PDE8A: variants seen among roughly 807,000 people sequenced by gnomAD.
PDE8A encodes phosphodiesterase 8A.
PDE8A carries 59 observed loss-of-function variants against 105.0 expected under a neutral mutation model. The ratio of observed to expected loss-of-function variants is 0.56; its 90% confidence interval spans 0.46 to 0.70. The LOEUF (loss-of-function observed/expected upper bound fraction) is 0.70, where lower values mean the gene tolerates loss of function less well. PDE8A is among the 30% of genes least tolerant of loss of function. The pLI, the probability that PDE8A is intolerant of heterozygous loss-of-function variation, is 0.00. For synonymous variants in PDE8A, 355 were observed against 371.9 expected, an observed-to-expected ratio of 0.95 and a Z score of 0.52; for missense variants, 1,014 against 1,045.9, an observed-to-expected ratio of 0.97 and a Z score of 0.42.
At chr15:85,129,895 AT>A (rs1454251785) in intron 20 of PDE8A, among the ~76,000 whole-genome samples, 1 of 152,124 alleles carries the variant, frequency 6.6e-6, no homozygotes, top group Non-Finnish European at 1.5e-5. Flanking sequence ...GTCTCAAAGT[AT>A]TTTCTAATTT....
At chr15:85,128,495 TAATAAA>T (rs1417585177) in intron 20 of PDE8A, among the ~76,000 whole-genome samples, 2 of 151,766 alleles carry the variant, frequency 1.3e-5, no homozygotes, top group African/African-American at 2.4e-5. Context: ...GACTGTGTCT[TAATAAA>T]AAGAAAAGAG....
At chr15:85,114,746 G>A (rs1029878235) in intron 14 of PDE8A, among the ~76,000 whole-genome samples, 3 of 152,206 alleles carry the variant, frequency 2.0e-5, no homozygotes, top group African/African-American at 7.2e-5. Context: ...AAGGTAGAGT[G>A]TTTACAATGC....
intron 1 of PDE8A, among the ~76,000 whole-genome samples, chr15:85,008,041 C>CAATG (rs1349228155): frequency 4.6e-5 from 7 of 152,012 alleles, no homozygotes; most frequent in Admixed American, 1.3e-4. Context: ...GCACTGAGGT[C>CAATG]CTTAATGTAT....
chr15:85,081,170 G>T (rs924944023), intron 5 of PDE8A, among the ~76,000 whole-genome samples: 5 of 152,186 alleles, frequency 3.3e-5, no homozygotes, highest in Admixed American at 1.3e-4. Flanking sequence ...ACACCATAAT[G>T]ATATCTCTGG....
intron 1 of PDE8A, among the ~76,000 whole-genome samples, chr15:85,012,003 A>C (rs1280909562): frequency 1.3e-5 from 2 of 152,236 alleles, no homozygotes; most frequent in African/African-American, 2.4e-5. Context: ...ATGAGATACC[A>C]TCTCACACCA....
In PDE8A at chr15:85,089,383, A is replaced by G. The variant is rs761619896; in HGVS notation, c.681A>G (p.Ala227=). ...VFTALENSED[A]IEITSEDRFI... ...CTGCATTAGAAAACAGTGAAGATGC[A>G]ATTGAAATTACAAGCGAAGACCGTT... The change falls in exon 7 of 22, where the codon GCA becomes GCG. Residue 227 remains alanine (A), a synonymous_variant. Coordinates refer to ENST00000394553, the MANE Select transcript of PDE8A (RefSeq NM_002605.3). 1.5e-4 allele frequency: 246 copies of G among 1,595,654 alleles called. No homozygotes were observed. In the East Asian group the frequency reaches 5.4e-3, roughly 35 times the overall value.
chr15:85,114,555 C>T (rs2082066498), intron 14 of PDE8A, among the ~76,000 whole-genome samples: 1 of 152,108 alleles, frequency 6.6e-6, no homozygotes, highest in Non-Finnish European at 1.5e-5. Context: ...TCCTGGATGC[C>T]TCCTTCAGCA....
chr15:85,057,064 GGA>G (rs1256759219), intron 1 of PDE8A, among the ~76,000 whole-genome samples: 4 of 152,178 alleles, frequency 2.6e-5, no homozygotes, highest in African/African-American at 9.7e-5. Context: ...CAGGCCTGTT[GGA>G]GTTTGCTGGA....
chr15:85,111,323 G>A (rs1035334384), intron 12 of PDE8A, among the ~76,000 whole-genome samples: 1 of 152,004 alleles, frequency 6.6e-6, no homozygotes, highest in Non-Finnish European at 1.5e-5. Context: ...ATTCTCCCTT[G>A]TTTTCTTCTA....
chr15:85,009,163 A>G (rs923838549), intron 1 of PDE8A, among the ~76,000 whole-genome samples: 1 of 151,268 alleles, frequency 6.6e-6, no homozygotes, highest in Non-Finnish European at 1.5e-5. Flanking sequence ...GGGTCTGAGG[A>G]TATTCAAAGT....
chr15:85,046,381 T>C (rs1258550894), intron 1 of PDE8A, among the ~76,000 whole-genome samples: 1 of 152,216 alleles, frequency 6.6e-6, no homozygotes, highest in South Asian at 2.1e-4. Flanking sequence ...ATAAAGTACC[T>C]ATGAAATTAC....
intron 1 of PDE8A, among the ~76,000 whole-genome samples, chr15:85,008,526 C>T (rs2080186049): frequency 1.3e-5 from 2 of 152,024 alleles, no homozygotes; most frequent in African/African-American, 2.4e-5. Context: ...TTTTTAATAA[C>T]CGGACCCTGT....
At chr15:85,029,684 G>A (rs1257370553) in intron 1 of PDE8A, among the ~76,000 whole-genome samples, 1 of 152,126 alleles carries the variant, frequency 6.6e-6, no homozygotes, top group Non-Finnish European at 1.5e-5. Flanking sequence ...ACATTTTCTG[G>A]TGCCTGACAC....
At chr15:85,009,371 C>T (rs755434572) in intron 1 of PDE8A, among the ~76,000 whole-genome samples, 1 of 151,988 alleles carries the variant, frequency 6.6e-6, no homozygotes, top group African/African-American at 2.4e-5. Context: ...ATAATCAGAC[C>T]AACAAAATAC....
intron 1 of PDE8A, among the ~76,000 whole-genome samples, chr15:85,047,398 G>A (rs192606878): frequency 2.6e-5 from 4 of 152,120 alleles, no homozygotes; most frequent in South Asian, 2.1e-4. Flanking sequence ...GGTTATTTTG[G>A]GGGGAGCAGT....
intron 1 of PDE8A, among the ~76,000 whole-genome samples, chr15:84,994,948 G>A (rs1357141783): frequency 6.8e-6 from 1 of 148,048 alleles, no homozygotes; most frequent in Non-Finnish European, 1.5e-5. Flanking sequence ...GGCAACAAGG[G>A]CGAAACTCTG....
At chr15:85,017,057 C>G (rs1324302741) in intron 1 of PDE8A, among the ~76,000 whole-genome samples, 2 of 149,146 alleles carry the variant, frequency 1.3e-5, no homozygotes, top group African/African-American at 4.9e-5. Flanking sequence ...GTCAGGAGAT[C>G]GAGACCATCC....
At chr15:85,009,374 C>T (rs559034456) in intron 1 of PDE8A, among the ~76,000 whole-genome samples, 3 of 152,244 alleles carry the variant, frequency 2.0e-5, no homozygotes, top group African/African-American at 7.2e-5. Flanking sequence ...ATCAGACCAA[C>T]AAAATACTAT....
At chr15:84,997,366 T>A (rs1219144657) in intron 1 of PDE8A, among the ~76,000 whole-genome samples, 2 of 151,990 alleles carry the variant, frequency 1.3e-5, no homozygotes, top group African/African-American at 4.8e-5. Flanking sequence ...GCTAATTTTT[T>A]GTATTTTTTT....
Sources: gnomAD v4.1 joint callset for allele counts (sites outside exome capture counted in the v4.1 genomes callset) on GRCh38, gnomAD v4.1.1 for gene constraint, MANE v1.5 for transcripts, NCBI Gene and HGNC (gene_info 2026-07-23, HGNC 2026-07-21) for gene names.